Variants in BCAS3 observed in about 807,000 individuals in gnomAD.
The protein encoded by BCAS3 is BCAS4/BCAS3 fusion.
BCAS3 carries 53 observed loss-of-function variants against 116.1 expected under a neutral mutation model. The ratio of observed to expected loss-of-function variants is 0.46; its 90% CI spans 0.37 to 0.57. The LOEUF (loss-of-function observed/expected upper bound fraction) is 0.57. BCAS3 is among the 20% of genes least tolerant of loss of function. The pLI, the probability that BCAS3 is intolerant of heterozygous loss-of-function variation, is 0.00. For synonymous variants in BCAS3, 391 were observed against 408.2 expected (o/e 0.96, Z 0.51); for missense variants, 917 against 1,165.4 (o/e 0.79, Z 3.10).
At chr17:61,338,771 C>A (rs1433750306) in intron 22 of BCAS3, among the ~76,000 whole-genome samples, 6 of 151,646 alleles carry the variant, frequency 4.0e-5, no homozygotes, top group Admixed American at 4.0e-4. Flanking sequence ...ACGCCTTTTC[C>A]ATTTCCTAGG....
rs1224292743 is a variant in BCAS3, at chr17:61,215,517, T to C, written c.2425+130953T>C. On this transcript the variant is annotated intron_variant, in intron 22 of 23. Coordinates refer to ENST00000407086, the MANE Select transcript of BCAS3 (RefSeq NM_017679.5). The surrounding 1 kb of genome is among the most constrained non-coding windows in gnomAD (Gnocchi z 4.8). ...ATTTAAATGTAAATTTCCAAACACC[T>C]GCATTCCAACATCTCCATAAAGTGC... Among the ~76,000 whole-genome samples, 1 of 152,220 alleles carries C rather than the reference T, an allele frequency of 6.6e-6. No homozygotes were observed. Among genetic ancestry groups the C allele is most frequent in the Non-Finnish European group, 1.5e-5 (1 of 68,028 alleles).
intron 22 of BCAS3, among the ~76,000 whole-genome samples, chr17:61,221,802 G>C (rs754721727): frequency 6.6e-6 from 1 of 152,222 alleles, no homozygotes; most frequent in Non-Finnish European, 1.5e-5. Flanking sequence ...CTACAGGAGA[G>C]TATGATGTGA....
intron 7 of BCAS3, among the ~76,000 whole-genome samples, chr17:60,825,567 T>C (rs1425464144): frequency 1.4e-5 from 2 of 142,288 alleles, no homozygotes; most frequent in Non-Finnish European, 1.6e-5. Flanking sequence ...AATTTATAAA[T>C]AATTATTATT....
At chr17:60,747,347 G>A in intron 6 of BCAS3, 68 bp downstream of exon 6, 2 of 1,296,982 alleles carry the variant, frequency 1.5e-6, no homozygotes, top group Non-Finnish European at 1.1e-6. Flanking sequence ...TTGGACTACA[G>A]GCAGCAAGAA....
intron 10 of BCAS3, among the ~76,000 whole-genome samples, chr17:60,898,864 G>A (rs1308125186): frequency 6.6e-6 from 1 of 152,248 alleles, no homozygotes; most frequent in African/African-American, 2.4e-5. Flanking sequence ...GGGTTCGGGA[G>A]GTAGTCTCCA....
At chr17:61,058,324 A>G (rs1436758164) in intron 19 of BCAS3, among the ~76,000 whole-genome samples, 1 of 152,172 alleles carries the variant, frequency 6.6e-6, no homozygotes, top group African/African-American at 2.4e-5. Context: ...CAGTGCCTTT[A>G]TGCCATCAGT....
In BCAS3 at chr17:61,087,638, A is replaced by T. The variant is rs1024784327; in HGVS notation, c.2425+3074A>T. ...TAATGGTTTTTTTCACAATTTCTTA[A>T]TATCTGGTAATCTCTGGTTCATGCT... On this transcript the variant is annotated intron_variant, in intron 22 of 23. Transcript: ENST00000407086. The surrounding 1 kb of genome is among the most constrained non-coding windows in gnomAD (Gnocchi z 4.6). 2.0e-5 allele frequency: 3 copies of T among 152,138 alleles called. No individual in the cohort carries two copies. Among genetic ancestry groups the T allele is most frequent in the African/African-American group, 7.2e-5 (3 of 41,434 alleles). 9.4% of individuals were successfully genotyped at this position (152,138 alleles called of 1,614,324 possible).
chr17:61,301,552 G>T (rs188726525), intron 22 of BCAS3, among the ~76,000 whole-genome samples: 22 of 152,234 alleles, frequency 1.4e-4, no homozygotes, highest in Admixed American at 7.8e-4. Context: ...CAGGAGAATC[G>T]CTTGAACCCG....
rs1199065421 is a variant in BCAS3 at position 61,220,828 on chromosome 17, C to T, written c.2425+136264C>T. 5.9e-5 allele frequency among the ~76,000 whole-genome samples: 9 copies of T among 151,532 alleles called. No homozygotes were observed. Among genetic ancestry groups the T allele is most frequent in the Admixed American group, 2.6e-4 (4 of 15,230 alleles). ...CTAGAAAGTGTAGTTCGGCTGGGCG[C>T]GGTGGCTCACGCCTGTAATCCCAGC... On this transcript the variant is annotated intron_variant, in intron 22 of 23. Coordinates refer to ENST00000407086, the MANE Select transcript of BCAS3 (RefSeq NM_017679.5). The surrounding 1 kb of genome is among the most constrained non-coding windows in gnomAD (Gnocchi z 4.5).
Position 61,063,324 on chromosome 17 carries a change from C to T in BCAS3, c.2030-11596C>T, listed in dbSNP as rs1208642793. Among the ~76,000 whole-genome samples the T allele has an allele frequency of 3.3e-5, 5 of 151,764 alleles. No homozygotes were observed. The highest frequency in any genetic ancestry group is 2.0e-4 in the Admixed American group (3 of 15,240). ...TTGCTCTGTCACCCAGGCTGGAGTG[C>T]GGTGGCACAATCTCGGCTCACTGCA... On this transcript the variant is annotated intron_variant, in intron 19 of 23. Coordinates refer to ENST00000407086, the MANE Select transcript of BCAS3 (RefSeq NM_017679.5). This position sits in a 1 kb window ranked among gnomAD's most constrained non-coding sequence, Gnocchi z 5.3.
chr17:60,782,561 G>GTTATTCTTA (rs1555712758), intron 6 of BCAS3, among the ~76,000 whole-genome samples: 3 of 142,462 alleles, frequency 2.1e-5, no homozygotes, highest in Non-Finnish European at 3.0e-5. Flanking sequence ...GTCTTTATAA[G>GTTATTCTTA]TTATTATTAT....
At chr17:60,842,063 G>A (rs562969995) in intron 7 of BCAS3, among the ~76,000 whole-genome samples, 8 of 152,160 alleles carry the variant, frequency 5.3e-5, no homozygotes, top group East Asian at 3.9e-4. Context: ...TTATATACTC[G>A]TTTTTAGGTA....
intron 22 of BCAS3, among the ~76,000 whole-genome samples, chr17:61,238,833 G>T (rs899460657): frequency 3.9e-5 from 6 of 152,056 alleles, no homozygotes; most frequent in African/African-American, 1.4e-4. Flanking sequence ...GATTGGCAGG[G>T]TCAGTCAGAC....
chr17:60,970,549 G>A (rs533597856), intron 14 of BCAS3, among the ~76,000 whole-genome samples: 48 of 152,156 alleles, frequency 3.2e-4, no homozygotes, highest in African/African-American at 1.1e-3. Context: ...AACTATATTA[G>A]TATCAACTAA....
chr17:61,040,955 T>C (rs1349903475), intron 19 of BCAS3, 63 bp downstream of exon 19: 2 of 1,415,646 alleles, frequency 1.4e-6, no homozygotes, highest in African/African-American at 1.4e-5. Flanking sequence ...CTTAAAATGC[T>C]AGCTTTGAAA....
chr17:61,087,109 A>G lies in BCAS3; in HGVS notation c.2425+2545A>G. 1.0e-6 allele frequency: 1 copy of G among 984,494 alleles called. No homozygotes were observed. The highest frequency in any genetic ancestry group is 1.2e-6 in the Non-Finnish European group (1 of 829,072). The allele number at this position is 984,494 out of a possible 1,614,324, so 61.0% of individuals were successfully genotyped here. ...TGTTGTAGATTCTTCTGTTAAAAAG[A>G]ATCTAATAAATTTTTATAATTGCTC... is the stretch of plus-strand genomic sequence containing the variant. On this transcript the variant is annotated intron_variant, in intron 22 of 23. Coordinates refer to ENST00000407086, the MANE Select transcript of BCAS3 (RefSeq NM_017679.5). This position sits in a 1 kb window ranked among gnomAD's most constrained non-coding sequence, Gnocchi z 4.6.
chr17:60,982,413 T>TC (rs1353776767), intron 14 of BCAS3, among the ~76,000 whole-genome samples: 26 of 152,326 alleles, frequency 1.7e-4, no homozygotes, highest in African/African-American at 6.3e-4. Context: ...GCTTAAGCGA[T>TC]CCTTCTACCT....
At chr17:60,926,182 A>G (rs1432348721) in intron 13 of BCAS3, among the ~76,000 whole-genome samples, 1 of 152,174 alleles carries the variant, frequency 6.6e-6, no homozygotes, top group Non-Finnish European at 1.5e-5. Flanking sequence ...AGGAATGCTC[A>G]ATCTGTATTT....
At chr17:61,043,796 A>G (rs962125440) in intron 19 of BCAS3, among the ~76,000 whole-genome samples, 1 of 152,056 alleles carries the variant, frequency 6.6e-6, no homozygotes, top group African/African-American at 2.4e-5. Context: ...ATTATTGTAA[A>G]ATAAAACTTC....
Sources: allele counts gnomAD v4.1 joint callset (sites outside exome capture counted in the v4.1 genomes callset), GRCh38; gene constraint gnomAD v4.1.1; non-coding constraint Gnocchi (gnomAD v3.1); transcripts MANE v1.5; gene names NCBI Gene and HGNC (gene_info 2026-07-23, HGNC 2026-07-21).